Variants in GALNT13 observed in about 807,000 individuals in gnomAD.
The protein encoded by GALNT13 is polypeptide N-acetylgalactosaminyltransferase 13.
A neutral mutation model predicts 64.2 loss-of-function variants in GALNT13; 28 were observed. That is an observed-to-expected ratio of 0.44 (90% confidence interval 0.32 to 0.60). The LOEUF (loss-of-function observed/expected upper bound fraction) is 0.60, where lower values mean the gene tolerates loss of function less well. GALNT13 is among the 20% of genes least tolerant of loss of function. The pLI is 0.05. For synonymous variants in GALNT13, 214 were observed against 224.6 expected, an observed-to-expected ratio of 0.95 and a Z score of 0.42; for missense variants, 577 against 669.8, an observed-to-expected ratio of 0.86 and a Z score of 1.53.
At chr2:154,305,333 T>A (rs1251509352) in intron 9 of GALNT13, among the ~76,000 whole-genome samples, 1 of 152,064 alleles carries the variant, frequency 6.6e-6, no homozygotes, top group Non-Finnish European at 1.5e-5. Context: ...GGGAGCTACA[T>A]GCATTCACAT....
the GALNT13 span, among the ~76,000 whole-genome samples, chr2:153,594,287 G>A: frequency 2.0e-5 from 3 of 152,038 alleles, no homozygotes; most frequent in East Asian, 1.9e-4. Context: ...GGTTACCAAT[G>A]ACTAAAAATA....
At chr2:153,374,090 G>A in the GALNT13 span, among the ~76,000 whole-genome samples, 1 of 152,122 alleles carries the variant, frequency 6.6e-6, no homozygotes, top group Non-Finnish European at 1.5e-5. Flanking sequence ...GCAAATATTT[G>A]TTCAAGACTG....
intron 3 of GALNT13, among the ~76,000 whole-genome samples, chr2:154,075,371 A>C (rs1270909156): frequency 6.6e-6 from 1 of 151,752 alleles, no homozygotes; most frequent in African/African-American, 2.4e-5. Context: ...TTAGGTTTCG[A>C]GATAACATCC....
At chr2:154,238,648 T>G (rs909680532) in intron 4 of GALNT13, among the ~76,000 whole-genome samples, 2 of 152,014 alleles carry the variant, frequency 1.3e-5, no homozygotes, top group Non-Finnish European at 2.9e-5. Flanking sequence ...AAAGAACTAA[T>G]TTGTGTCACT....
chr2:153,701,256 A>T, the GALNT13 span, among the ~76,000 whole-genome samples: 1 of 152,226 alleles, frequency 6.6e-6, no homozygotes, highest in Non-Finnish European at 1.5e-5. Context: ...AGGATTCCCT[A>T]TTTAATAAAT....
the GALNT13 span, among the ~76,000 whole-genome samples, chr2:153,754,365 G>A: frequency 1.3e-5 from 2 of 149,976 alleles, no homozygotes; most frequent in African/African-American, 4.9e-5. Context: ...TATATTGTTG[G>A]TTATTCAGAG....
At chr2:154,344,467 A>G (rs915110475) in intron 9 of GALNT13, among the ~76,000 whole-genome samples, 5 of 95,432 alleles carry the variant, frequency 5.2e-5, no homozygotes, top group African/African-American at 1.4e-4. Context: ...TTAGCTTGAC[A>G]TCATGGGGAA....
chr2:154,043,434 AT>A, intron 3 of GALNT13, among the ~76,000 whole-genome samples: 1 of 115,710 alleles, frequency 8.6e-6, no homozygotes, highest in South Asian at 3.6e-4. Flanking sequence ...ATATATATAT[AT>A]ATATATATAT....
At chr2:153,648,855 G>A in the GALNT13 span, among the ~76,000 whole-genome samples, 1 of 152,146 alleles carries the variant, frequency 6.6e-6, no homozygotes, top group Admixed American at 6.5e-5. Context: ...ATGTGTTGCT[G>A]GATTCGGTTT....
intron 9 of GALNT13, among the ~76,000 whole-genome samples, chr2:154,368,492 T>G (rs1214221673): frequency 2.0e-5 from 3 of 152,176 alleles, no homozygotes; most frequent in Non-Finnish European, 4.4e-5. Context: ...AATATTACCT[T>G]CATTGTTCGT....
the GALNT13 span, among the ~76,000 whole-genome samples, chr2:153,178,732 CT>C: frequency 0.063 from 6,152 of 98,264 alleles, 218 homozygotes; most frequent in African/African-American, 0.19. Context: ...TTCTCTTCTT[CT>C]TTTTTTTTTT....
At chr2:153,221,292 A>G in the GALNT13 span, among the ~76,000 whole-genome samples, 1 of 152,150 alleles carries the variant, frequency 6.6e-6, no homozygotes, top group African/African-American at 2.4e-5. Flanking sequence ...AAATACATAC[A>G]TGCATACGTA....
At chr2:154,428,391 C>T (rs542103436) in intron 11 of GALNT13, among the ~76,000 whole-genome samples, 24 of 152,046 alleles carry the variant, frequency 1.6e-4, no homozygotes, top group Non-Finnish European at 2.5e-4. Context: ...GATGAACTCG[C>T]ACAAGAAAAG....
chr2:154,399,786 C>T (rs1699217052), intron 10 of GALNT13, among the ~76,000 whole-genome samples: 1 of 152,098 alleles, frequency 6.6e-6, no homozygotes. Context: ...AAGACCTTTA[C>T]TCTTAAGCCT....
the GALNT13 span, among the ~76,000 whole-genome samples, chr2:153,793,196 T>G: frequency 3.3e-5 from 5 of 151,996 alleles, no homozygotes; most frequent in Admixed American, 2.6e-4. Context: ...ATGGTCTTGA[T>G]TTCTTGACCT....
the GALNT13 span, among the ~76,000 whole-genome samples, chr2:153,532,531 C>G: frequency 2.0e-5 from 3 of 152,174 alleles, no homozygotes; most frequent in African/African-American, 4.8e-5. Context: ...ATTGTTTCCT[C>G]TTTACTTATG....
At chr2:153,397,300 T>A in the GALNT13 span, among the ~76,000 whole-genome samples, 1 of 152,238 alleles carries the variant, frequency 6.6e-6, no homozygotes, top group Non-Finnish European at 1.5e-5. Context: ...GCATACATGT[T>A]CAACCTAAGG....
At chr2:153,255,767 T>G in the GALNT13 span, among the ~76,000 whole-genome samples, 1 of 152,218 alleles carries the variant, frequency 6.6e-6, no homozygotes, top group African/African-American at 2.4e-5. Context: ...TTGAAAATTC[T>G]TTTCTTTAAG....
At chr2:153,131,173 A>G in the GALNT13 span, among the ~76,000 whole-genome samples, 1 of 152,198 alleles carries the variant, frequency 6.6e-6, no homozygotes, top group Non-Finnish European at 1.5e-5. Flanking sequence ...TGGGGGTTTT[A>G]GTCCCTCCCT....
Sources: gnomAD v4.1 joint callset for allele counts (sites outside exome capture counted in the v4.1 genomes callset) on GRCh38, gnomAD v4.1.1 for gene constraint, MANE v1.5 for transcripts, NCBI Gene and HGNC (gene_info 2026-07-23, HGNC 2026-07-21) for gene names.